The following SH3TC2 variants were observed in gnomAD, a reference collection of about 807,000 sequenced individuals.
SH3TC2 encodes the protein SH3 domain and tetratricopeptide repeats 2.
SH3TC2 carries 87 observed loss-of-function variants against 124.5 expected under a neutral mutation model. The ratio of observed to expected loss-of-function variants is 0.70; its 90% confidence interval spans 0.59 to 0.84. The LOEUF (loss-of-function observed/expected upper bound fraction) is 0.84. Ranked by LOEUF, SH3TC2 falls within the 40% of genes least tolerant of loss-of-function variation. The pLI, the probability that SH3TC2 is intolerant of heterozygous loss-of-function variation, is 0.00. For missense variants in SH3TC2, 1,536 were observed against 1,566.4 expected, an observed-to-expected ratio of 0.98 and a Z score of 0.33; for synonymous variants, 634 against 628.5, an observed-to-expected ratio of 1.01 and a Z score of -0.13.
At chr5:149,051,036 G>T (rs1030181941) in intron 2 of SH3TC2, among the ~76,000 whole-genome samples, 1 of 152,146 alleles carries the variant, frequency 6.6e-6, no homozygotes, top group Non-Finnish European at 1.5e-5. Context: ...AAACATGTGA[G>T]GATCATTTGG....
rs1188221146 is a variant in SH3TC2, at chr5:148,994,325, C to G, written c.*10386G>C. Among the ~76,000 whole-genome samples, 3 of 152,116 alleles carry G rather than the reference C, an allele frequency of 2.0e-5. No homozygotes were observed. The highest frequency in any genetic ancestry group is 4.4e-5 in the Non-Finnish European group (3 of 68,034). On this transcript the variant is annotated 3_prime_UTR_variant, in exon 17 of 17. Transcript: ENST00000515425. ...AACTATACAATGCAATTACTTCTTG[C>G]AGGTAGGAGAAATTAAGAGAAGTCA...
Position 149,003,848 on chromosome 5 carries a change from TCAA to T in SH3TC2, c.*860_*862del. 13 of 133,554 alleles carry T rather than the reference TCAA, an allele frequency of 9.7e-5. No homozygotes were observed. The highest frequency in any genetic ancestry group is 2.6e-4 in the East Asian group (1 of 3,832). The allele number at this position is 133,554 out of a possible 1,614,324, so 8.3% of individuals were successfully genotyped here. ...CCTGGGCAACAGAGGAGAAACTGTC[TCAA>T]AAAAAAAAAAAAAAAAAAAAGACAT... On this transcript the variant is annotated 3_prime_UTR_variant, in exon 17 of 17. Coordinates refer to ENST00000515425, the MANE Select transcript of SH3TC2 (RefSeq NM_024577.4).
chr5:148,997,167 C>A lies in SH3TC2; in HGVS notation c.*7544G>T, dbSNP rs961276336. Among the ~76,000 whole-genome samples, 4 of 152,202 alleles carry A rather than the reference C, an allele frequency of 2.6e-5. No individual in the cohort carries two copies. The highest frequency in any genetic ancestry group is 5.9e-5 in the Non-Finnish European group (4 of 68,034). ...TCTCATGTTCATGATCTTCCTTCTGCTACCACCATTGGAGCTACGGGTACT... is the reference window on the plus strand; with the variant it reads ...TCTCATGTTCATGATCTTCCTTCTGATACCACCATTGGAGCTACGGGTACT... On this transcript the variant is annotated 3_prime_UTR_variant, in exon 17 of 17. Coordinates refer to ENST00000515425, the MANE Select transcript of SH3TC2 (RefSeq NM_024577.4).
rs947027421 is a variant in SH3TC2, at chr5:148,983,052, A to G, written c.*21659T>C. Reference sequence around the variant, plus strand: ...TTTCCTGGGCCTCAGTGTCCCATCTATGGGATAAAGAGGGAGAACTAGCAG... The same window carrying G: ...TTTCCTGGGCCTCAGTGTCCCATCTGTGGGATAAAGAGGGAGAACTAGCAG... On this transcript the variant is annotated 3_prime_UTR_variant, in exon 17 of 17. Transcript: ENST00000515425. 3.9e-5 allele frequency among the ~76,000 whole-genome samples: 6 copies of G among 152,170 alleles called. No homozygotes were observed. The highest frequency in any genetic ancestry group is 2.1e-4 in the South Asian group (1 of 4,820).
chr5:149,028,454 G>A lies in SH3TC2; in HGVS notation c.1278C>T (p.Ser426=). The A allele has an allele frequency of 6.2e-7, 1 of 1,612,998 alleles. No homozygotes were observed. Among genetic ancestry groups the A allele is most frequent in the Non-Finnish European group, 8.5e-7 (1 of 1,179,454 alleles). Residue 426 remains serine (S), a synonymous_variant, in exon 11 of 17, where the codon AGC becomes AGT. Coordinates refer to ENST00000515425, the MANE Select transcript of SH3TC2 (RefSeq NM_024577.4). ...SRQSSSSEDS[S]LEEELLSATS... ...TGGCCGAGAGGAGCTCCTCCTCCAG[G>A]CTGGAGTCCTCAGAGCTGCTGGACT... is the stretch of plus-strand genomic sequence containing the variant.
chr5:148,986,030 T>G lies in SH3TC2; in HGVS notation c.*18681A>C, dbSNP rs1250292858. Reference sequence around the variant, plus strand: ...TTGAAAAACACATAAATGCAGAATCTTGGTGTTTAAAAGGAAATTAGAACT... The same window carrying G: ...TTGAAAAACACATAAATGCAGAATCGTGGTGTTTAAAAGGAAATTAGAACT... On this transcript the variant is annotated 3_prime_UTR_variant, in exon 17 of 17. Transcript: ENST00000515425. 6.6e-6 allele frequency among the ~76,000 whole-genome samples: 1 copy of G among 152,186 alleles called. No homozygotes were observed. The highest frequency in any genetic ancestry group is 1.9e-4 in the East Asian group (1 of 5,200).
chr5:149,012,514 T>G, intron 13 of SH3TC2, 70 bp downstream of exon 13: 1 of 1,592,430 alleles, frequency 6.3e-7, no homozygotes, highest in Admixed American at 1.7e-5. Context: ...CCTGGTTGAT[T>G]TGGAGGGTAC....
chr5:149,031,459 G>A (rs1287514256), intron 9 of SH3TC2, 95 bp downstream of exon 9: 33 of 1,537,712 alleles, frequency 2.1e-5, no homozygotes, highest in Non-Finnish European at 2.9e-5. Context: ...TCATGAATAG[G>A]ATTAGAATTT....
At chr5:149,019,101 A>G (rs117045891) in intron 12 of SH3TC2, among the ~76,000 whole-genome samples, 5,015 of 152,308 alleles carry the variant, frequency 0.033, 323 homozygotes, top group Admixed American at 0.16. Flanking sequence ...ATTCCTCCTA[A>G]GCAATCTGTG....
chr5:149,041,502 G>A lies in SH3TC2; in HGVS notation c.645C>T (p.Ser215=), dbSNP rs80227512. 14,659 of 1,614,160 alleles carry A rather than the reference G, an allele frequency of 9.1e-3. 106 individuals are homozygous for A. The highest frequency in any genetic ancestry group is 0.022 in the South Asian group (2,007 of 91,086). The change falls in exon 6 of 17, where the codon TCC becomes TCT. Residue 215 remains serine, a synonymous_variant. Coordinates refer to ENST00000515425, the MANE Select transcript of SH3TC2 (RefSeq NM_024577.4). ...TCACCAAAGACACGCCTTCCAACTC[G>A]GAGCCAGCTTCTGCCATCTTCACTG... is the stretch of plus-strand genomic sequence containing the variant. ...LISVKMAEAG[S]ELEGVSLVTG... is the part of the protein sequence containing the mutation.
rs919042063 is a variant in SH3TC2, at chr5:148,997,411, T to C, written c.*7300A>G. Among the ~76,000 whole-genome samples, 33 of 152,364 alleles carry C rather than the reference T, an allele frequency of 2.2e-4. No homozygotes were observed. The highest frequency in any genetic ancestry group is 7.5e-4 in the African/African-American group (31 of 41,596). On this transcript the variant is annotated 3_prime_UTR_variant, in exon 17 of 17. Transcript: ENST00000515425. ...TCTGTTCCTCCTTCTATTTTCCATT[T>C]GGGAAATGCAGTCTCTCTTTTTTTC...
chr5:149,037,834 C>T (rs1397752132), intron 8 of SH3TC2, among the ~76,000 whole-genome samples: 1 of 152,198 alleles, frequency 6.6e-6, no homozygotes, highest in Non-Finnish European at 1.5e-5. Context: ...GCCCTCCTAG[C>T]CAATGCTGAA....
Position 149,028,184 on chromosome 5 carries a change from C to G in SH3TC2, c.1548G>C (p.Lys516Asn). 1 of 1,614,108 alleles carries G rather than the reference C, an allele frequency of 6.2e-7. No individual in the cohort carries two copies. The highest frequency in any genetic ancestry group is 8.5e-7 in the Non-Finnish European group (1 of 1,180,038). Residue 516 changes from lysine (K) to asparagine (N), a missense_variant, in exon 11 of 17, where the codon AAG (lysine) becomes AAC (asparagine). Transcript: ENST00000515425. ...EFVAYLEASR[K>N]WAKKSHMTWA... ...AGGTCATGTGGCTCTTCTTGGCCCA[C>G]TTTCTTGATGCCTCCAGGTAGGCCA...
Position 148,985,976 on chromosome 5 carries a change from CT to C in SH3TC2, c.*18734del, listed in dbSNP as rs1753326336. Among the ~76,000 whole-genome samples the C allele has an allele frequency of 6.6e-6, 1 of 152,112 alleles. No homozygotes were observed. Among genetic ancestry groups the C allele is most frequent in the African/African-American group, 2.4e-5 (1 of 41,430 alleles). ...ACTCGATCATTTTTCTGACATGAGA[CT>C]TACAGAGTATCATCTCTAGGGTGAT... On this transcript the variant is annotated 3_prime_UTR_variant, in exon 17 of 17. Coordinates refer to ENST00000515425, the MANE Select transcript of SH3TC2 (RefSeq NM_024577.4).
chr5:149,007,881 T>C (rs927257526), intron 15 of SH3TC2: 4 of 152,504 alleles, frequency 2.6e-5, no homozygotes, highest in Non-Finnish European at 5.9e-5. Context: ...TTCTCTGATA[T>C]GGAAAAATCA....
rs115718075 is a variant in SH3TC2, at chr5:148,992,880, A to G, written c.*11831T>C. Among the ~76,000 whole-genome samples the G allele has an allele frequency of 2.9e-3, 435 of 152,282 alleles. No homozygotes were observed. Among genetic ancestry groups the G allele is most frequent in the African/African-American group, 9.8e-3 (407 of 41,548 alleles). ...CATGCACAGCTCATAGGGTTTGGGT[A>G]TGGCTTGGAAAATCATCATGCTTCA... is the stretch of plus-strand genomic sequence containing the variant. On this transcript the variant is annotated 3_prime_UTR_variant, in exon 17 of 17. Coordinates refer to ENST00000515425, the MANE Select transcript of SH3TC2 (RefSeq NM_024577.4).
intron 12 of SH3TC2, among the ~76,000 whole-genome samples, chr5:149,021,982 C>T (rs1483893714): frequency 1.5e-4 from 5 of 33,816 alleles, no homozygotes; most frequent in African/African-American, 3.3e-4. Flanking sequence ...GGCGGGATCT[C>T]GGCTCACTGC....
chr5:149,047,930 G>GTAGGGGTCCATT lies in SH3TC2; in HGVS notation c.199_210dup (p.Asn67_Leu70dup), dbSNP rs1561771868. The stretch of plus-strand genomic sequence containing the variant: ...CAGAGCCGCCTCCGAGCAGCTTCCT[G>GTAGGGGTCCATT]TAGGGGTCCATTTACACACCTCCTG... On this transcript the variant is annotated inframe_insertion, in exon 3 of 17. Transcript: ENST00000515425. The GTAGGGGTCCATT allele has an allele frequency of 6.2e-7, 1 of 1,614,150 alleles. No individual in the cohort carries two copies. The highest frequency in any genetic ancestry group is 1.1e-5 in the South Asian group (1 of 91,086).
At position 148,994,244 on chromosome 5, in the gene SH3TC2, G is replaced by C. The variant is rs1753467113; in HGVS notation, c.*10467C>G. Among the ~76,000 whole-genome samples, 2 of 152,168 alleles carry C rather than the reference G, an allele frequency of 1.3e-5. No homozygotes were observed. The highest frequency in any genetic ancestry group is 4.8e-5 in the African/African-American group (2 of 41,432). On this transcript the variant is annotated 3_prime_UTR_variant, in exon 17 of 17. Transcript: ENST00000515425. ...CCACTCTCTATCTACAGGACTTTGG[G>C]TAAGATTAATCTCTTAACCTCTTTG...
Sources: allele counts gnomAD v4.1 joint callset (sites outside exome capture counted in the v4.1 genomes callset), GRCh38; gene constraint gnomAD v4.1.1; transcripts MANE v1.5; gene names NCBI Gene and HGNC (gene_info 2026-07-23, HGNC 2026-07-21).